ATXN7L1: variants seen among roughly 807,000 people sequenced by gnomAD.
ATXN7L1 encodes the protein ataxin-7-like protein 1.
In ATXN7L1, 15 loss-of-function variants were observed where a neutral mutation model predicts 70.8. That is an observed-to-expected ratio of 0.21 (90% confidence interval 0.14 to 0.33). The LOEUF (loss-of-function observed/expected upper bound fraction) is 0.33, where lower values mean the gene tolerates loss of function less well. Ranked by LOEUF, ATXN7L1 falls within the 10% of genes least tolerant of loss-of-function variation. ATXN7L1 has a pLI of 1.00. For missense variants in ATXN7L1, 975 were observed against 1,097.1 expected, an observed-to-expected ratio of 0.89 and a Z score of 1.57; for synonymous variants, 440 against 445.1, an observed-to-expected ratio of 0.99 and a Z score of 0.14.
In ATXN7L1 at chr7:105,784,927, T is replaced by C. The variant is rs527403416; in HGVS notation, c.355+3677A>G. On this transcript the variant is annotated intron_variant, in intron 3 of 11. Coordinates refer to ENST00000419735, the MANE Select transcript of ATXN7L1 (RefSeq NM_020725.2). ...AAAAGTTAGGAGAAGGCTGCGTCCA[T>C]GGGGCTTGGACCCCTGCCCCAATTT... Among the ~76,000 whole-genome samples the C allele has an allele frequency of 9.2e-5, 14 of 152,222 alleles. No individual in the cohort carries two copies. In the South Asian group the frequency reaches 2.5e-3, roughly 27 times the overall value.
chr7:105,793,705 C>T (rs1352443286), intron 2 of ATXN7L1, among the ~76,000 whole-genome samples: 1 of 152,190 alleles, frequency 6.6e-6, no homozygotes, highest in African/African-American at 2.4e-5. Flanking sequence ...CAAAGCCAGA[C>T]CTGTCTGCTT....
intron 2 of ATXN7L1, among the ~76,000 whole-genome samples, chr7:105,838,543 A>G (rs1812745063): frequency 6.6e-6 from 1 of 152,178 alleles, no homozygotes; most frequent in African/African-American, 2.4e-5. Context: ...GCCTGTGCAG[A>G]AATCGGTTAG....
chr7:105,764,955 A>C (rs1801049589), intron 3 of ATXN7L1, among the ~76,000 whole-genome samples: 1 of 152,170 alleles, frequency 6.6e-6, no homozygotes, highest in Non-Finnish European at 1.5e-5. Flanking sequence ...TATTTCAAAG[A>C]TTCACTTAGG....
At chr7:105,770,899 C>T (rs1291386661) in intron 3 of ATXN7L1, among the ~76,000 whole-genome samples, 1 of 152,070 alleles carries the variant, frequency 6.6e-6, no homozygotes, top group Non-Finnish European at 1.5e-5. Flanking sequence ...CACCAAGGAT[C>T]ATGTTAAAAA....
chr7:105,827,681 G>T (rs1175864154), intron 2 of ATXN7L1, among the ~76,000 whole-genome samples: 1 of 152,174 alleles, frequency 6.6e-6, no homozygotes, highest in Non-Finnish European at 1.5e-5. Flanking sequence ...GCAATTCTCC[G>T]TGTACACTAA....
At chr7:105,704,713 T>G (rs1334990108) in intron 3 of ATXN7L1, among the ~76,000 whole-genome samples, 1 of 150,286 alleles carries the variant, frequency 6.7e-6, no homozygotes, top group African/African-American at 2.4e-5. Context: ...TGGGTTCAAG[T>G]GATTCTTGTG....
chr7:105,635,141 G>T (rs1327165145), intron 7 of ATXN7L1, among the ~76,000 whole-genome samples: 1 of 152,170 alleles, frequency 6.6e-6, no homozygotes, highest in African/African-American at 2.4e-5. Context: ...AGACAGAGGG[G>T]ACTGTGCCCA....
intron 3 of ATXN7L1, among the ~76,000 whole-genome samples, chr7:105,744,427 T>C (rs1798347689): frequency 6.3e-5 from 1 of 15,862 alleles, no homozygotes; most frequent in African/African-American, 1.1e-3. Context: ...GGAATATTCT[T>C]TTTTTTAGGG....
At chr7:105,853,448 G>A (rs993426071) in intron 2 of ATXN7L1, among the ~76,000 whole-genome samples, 1 of 152,130 alleles carries the variant, frequency 6.6e-6, no homozygotes, top group South Asian at 2.1e-4. Flanking sequence ...CAGCTACTTC[G>A]GAGGCTGAGG....
At chr7:105,833,085 C>T (rs1811858928) in intron 2 of ATXN7L1, among the ~76,000 whole-genome samples, 2 of 152,208 alleles carry the variant, frequency 1.3e-5, no homozygotes, top group African/African-American at 4.8e-5. Flanking sequence ...CCTTACTCCT[C>T]ACATCACCTG....
chr7:105,805,697 G>A (rs371048971), intron 2 of ATXN7L1, among the ~76,000 whole-genome samples: 1 of 152,304 alleles, frequency 6.6e-6, no homozygotes. Flanking sequence ...TGACCCCAGA[G>A]TCGGTTCCTG....
At chr7:105,667,693 C>T (rs920424044) in intron 3 of ATXN7L1, among the ~76,000 whole-genome samples, 4 of 79,778 alleles carry the variant, frequency 5.0e-5, no homozygotes, top group Admixed American at 1.6e-4. Context: ...AGCGAGACTC[C>T]GTCTCAAAAA....
intron 3 of ATXN7L1, among the ~76,000 whole-genome samples, chr7:105,675,884 C>CT (rs371890415): frequency 0.011 from 1,622 of 142,864 alleles, 37 homozygotes; most frequent in African/African-American, 0.035. Context: ...TTCATTCACT[C>CT]TTTTTTTTTT....
Position 105,645,849 on chromosome 7 carries a change from A to G in ATXN7L1, c.579-2728T>C, listed in dbSNP as rs59808895. On this transcript the variant is annotated intron_variant, in intron 4 of 11. Transcript: ENST00000419735. The stretch of plus-strand genomic sequence containing the variant: ...CAAACAAACAAACAAACAAACAAAC[A>G]AACAGAAATTAGCCAGGGGTGGTGG... Among the ~76,000 whole-genome samples the G allele has an allele frequency of 0.012, 1,853 of 150,744 alleles. 82 individuals carry two copies. The East Asian group carries it at 0.13, about 11-fold the overall frequency.
intron 4 of ATXN7L1, among the ~76,000 whole-genome samples, chr7:105,664,575 G>GTGTGTGTATATATATATA: frequency 1.5e-4 from 20 of 131,988 alleles, no homozygotes; most frequent in African/African-American, 5.4e-4. Flanking sequence ...GTATGTGTGT[G>GTGTGTGTATATATATATA]TATATATATA....
intron 10 of ATXN7L1, among the ~76,000 whole-genome samples, chr7:105,611,716 C>T (rs1033082129): frequency 6.6e-6 from 1 of 152,204 alleles, no homozygotes; most frequent in African/African-American, 2.4e-5. Context: ...AGCCCTGTGG[C>T]AACTTCTGGC....
intron 3 of ATXN7L1, among the ~76,000 whole-genome samples, chr7:105,755,410 G>T (rs1325075590): frequency 1.3e-5 from 2 of 152,202 alleles, no homozygotes; most frequent in African/African-American, 2.4e-5. Context: ...AAGGTAAGGA[G>T]GGGAAAGGCA....
Position 105,643,066 on chromosome 7 carries a change from C to T in ATXN7L1, c.634G>A (p.Gly212Ser). The T allele has an allele frequency of 6.5e-7, 1 of 1,548,144 alleles. No homozygotes were observed. The highest frequency in any genetic ancestry group is 8.7e-7 in the Non-Finnish European group (1 of 1,144,338). ...GTGGAGTTCATTTTGACATTGGCAC[C>T]ATCTGCCTTCACTAGGTTAGGAATT... ...EKIPNLVKAD[G>S]ANVKMNSTTT... The change falls in exon 5 of 12, where the codon GGT becomes AGT. Residue 212 changes from glycine (G) to serine (S), a missense_variant. Around this residue, in one of 5 missense-constraint regions of ATXN7L1, gnomAD observed 192 missense variants for 215.5 expected, o/e 0.89. Transcript: ENST00000419735.
chr7:105,641,455 G>A lies in ATXN7L1; in HGVS notation c.862+1383C>T, dbSNP rs35216680. On this transcript the variant is annotated intron_variant, in intron 5 of 11. Coordinates refer to ENST00000419735, the MANE Select transcript of ATXN7L1 (RefSeq NM_020725.2). ...GGCTGCCAAATGTGAAAGTGAGGCA[G>A]AAACAAGCAAAAGACCCGACGAAAC... 5.3e-4 allele frequency among the ~76,000 whole-genome samples: 80 copies of A among 152,074 alleles called. 1 individual carries two copies. The highest frequency in any genetic ancestry group is 1.8e-3 in the African/African-American group (75 of 41,476).
Sources: allele counts gnomAD v4.1 joint callset (sites outside exome capture counted in the v4.1 genomes callset), GRCh38; gene constraint gnomAD v4.1.1; regional missense constraint gnomAD v4.1.1; transcripts MANE v1.5; gene names NCBI Gene and HGNC (gene_info 2026-07-23, HGNC 2026-07-21).